OSBPL1A: variants seen among roughly 807,000 people sequenced by gnomAD.
OSBPL1A encodes the protein oxysterol binding protein like 1A.
OSBPL1A carries 80 observed loss-of-function variants against 137.1 expected under a neutral mutation model. The observed-to-expected ratio is 0.58, with a 90% CI of 0.49 to 0.70. OSBPL1A has a LOEUF of 0.70. Among genes scored for constraint, OSBPL1A ranks in the 30% least tolerant of loss-of-function variants. The pLI, the probability that OSBPL1A is intolerant of heterozygous loss-of-function variation, is 0.00. For synonymous variants in OSBPL1A, 365 were observed against 389.7 expected, an observed-to-expected ratio of 0.94 and a Z score of 0.75; for missense variants, 970 against 1,129.4, an observed-to-expected ratio of 0.86 and a Z score of 2.02.
At chr18:24,394,474 A>G (rs1907590447) in intron 1 of OSBPL1A, among the ~76,000 whole-genome samples, 1 of 152,238 alleles carries the variant, frequency 6.6e-6, no homozygotes, top group South Asian at 2.1e-4. Context: ...TCAATTTGAC[A>G]GATTCTGAAA....
At chr18:24,294,218 T>G (rs904554252) in intron 14 of OSBPL1A, among the ~76,000 whole-genome samples, 5 of 140,866 alleles carry the variant, frequency 3.5e-5, no homozygotes, top group African/African-American at 5.5e-5. Context: ...CAATATGTGG[T>G]TGTTTTTTTT....
intron 15 of OSBPL1A, among the ~76,000 whole-genome samples, chr18:24,258,925 CTTTTT>C (rs543867145): frequency 6.5e-5 from 6 of 92,728 alleles, no homozygotes; most frequent in Admixed American, 1.2e-4. Context: ...AAAATTACAT[CTTTTT>C]TTTTTTTTTT....
chr18:24,345,110 A>G (rs775515638), intron 4 of OSBPL1A, among the ~76,000 whole-genome samples: 2 of 151,828 alleles, frequency 1.3e-5, no homozygotes, highest in Non-Finnish European at 2.9e-5. Flanking sequence ...GAGCCACTGC[A>G]CCCAGCTGAG....
At chr18:24,376,560 A>C (rs1250015751) in intron 2 of OSBPL1A, among the ~76,000 whole-genome samples, 1 of 152,222 alleles carries the variant, frequency 6.6e-6, no homozygotes, top group African/African-American at 2.4e-5. Flanking sequence ...GCTGCCTGCC[A>C]GTCCTGCACC....
intron 5 of OSBPL1A, among the ~76,000 whole-genome samples, chr18:24,338,316 A>G (rs2091214600): frequency 6.6e-6 from 1 of 151,138 alleles, no homozygotes; most frequent in Non-Finnish European, 1.5e-5. Context: ...TCCTGACCTC[A>G]TGATCCACCT....
At chr18:24,313,532 A>G (rs1432634528) in intron 12 of OSBPL1A, among the ~76,000 whole-genome samples, 1 of 152,102 alleles carries the variant, frequency 6.6e-6, no homozygotes, top group Non-Finnish European at 1.5e-5. Flanking sequence ...TATCACTAGG[A>G]AGGCTGAGTC....
chr18:24,270,094 A>G (rs2089681332), intron 15 of OSBPL1A, among the ~76,000 whole-genome samples: 2 of 152,234 alleles, frequency 1.3e-5, no homozygotes, highest in South Asian at 4.1e-4. Flanking sequence ...ACTGAATAAC[A>G]ATTCTAAATT....
intron 1 of OSBPL1A, among the ~76,000 whole-genome samples, chr18:24,390,204 G>T (rs954914760): frequency 1.3e-5 from 2 of 152,034 alleles, no homozygotes; most frequent in Admixed American, 1.3e-4. Flanking sequence ...AAGTATGGGG[G>T]TTCCTCAAAA....
At chr18:24,348,523 G>A (rs1044785517) in intron 4 of OSBPL1A, among the ~76,000 whole-genome samples, 2 of 151,862 alleles carry the variant, frequency 1.3e-5, no homozygotes, top group African/African-American at 4.8e-5. Context: ...CTATAATCCC[G>A]GCACTTTGGG....
chr18:24,392,066 G>C (rs1402926107), intron 1 of OSBPL1A, among the ~76,000 whole-genome samples: 2 of 152,034 alleles, frequency 1.3e-5, no homozygotes, highest in Non-Finnish European at 2.9e-5. Flanking sequence ...GTGTTGCCCA[G>C]GCTGGTCTCA....
At chr18:24,242,504 C>T (rs1278335667) in intron 15 of OSBPL1A, among the ~76,000 whole-genome samples, 1 of 152,098 alleles carries the variant, frequency 6.6e-6, no homozygotes, top group Non-Finnish European at 1.5e-5. Context: ...CACTCCCTCT[C>T]CCATGCTCCT....
chr18:24,361,608 G>A (rs1198608185), intron 4 of OSBPL1A, among the ~76,000 whole-genome samples: 1 of 152,166 alleles, frequency 6.6e-6, no homozygotes, highest in African/African-American at 2.4e-5. Flanking sequence ...TTTGATCTAG[G>A]TGATTACAGA....
At chr18:24,328,974 G>A (rs1303205086) in intron 7 of OSBPL1A, among the ~76,000 whole-genome samples, 2 of 152,022 alleles carry the variant, frequency 1.3e-5, no homozygotes, top group African/African-American at 4.8e-5. Flanking sequence ...AATTACATAT[G>A]TGACTCCCAT....
At position 24,165,076 on chromosome 18, in the gene OSBPL1A, G is replaced by A. The variant is rs746805251; in HGVS notation, c.2739C>T (p.Asp913=). 6.2e-7 allele frequency: 1 copy of A among 1,614,124 alleles called. No individual in the cohort carries two copies. The highest frequency in any genetic ancestry group is 8.5e-7 in the Non-Finnish European group (1 of 1,180,022). The change falls in exon 27 of 28, where the codon GAC becomes GAT. Residue 913 remains aspartate (D), a synonymous_variant. Transcript: ENST00000319481. ...ACTCAGGCACGCACCTCGTCTTCCAGTCCTCTTCTGACTTGGACCTGTTTT... is the reference window on the plus strand; with the variant it reads ...ACTCAGGCACGCACCTCGTCTTCCAATCCTCTTCTGACTTGGACCTGTTTT... ...ARKNRSKSEE[D]WKTRWFHQGP...
chr18:24,282,624 A>G (rs2089982019), intron 14 of OSBPL1A, among the ~76,000 whole-genome samples: 1 of 152,222 alleles, frequency 6.6e-6, no homozygotes, highest in Non-Finnish European at 1.5e-5. Flanking sequence ...AAAAACAAGT[A>G]AAATATTATG....
chr18:24,390,297 A>G (rs568522808), intron 1 of OSBPL1A, among the ~76,000 whole-genome samples: 1 of 152,388 alleles, frequency 6.6e-6, no homozygotes, highest in South Asian at 2.1e-4. Flanking sequence ...GGAATCAAAC[A>G]GATATTTGTA....
chr18:24,196,741 C>T (rs369189834), intron 17 of OSBPL1A, among the ~76,000 whole-genome samples: 147 of 152,204 alleles, frequency 9.7e-4, no homozygotes, highest in Middle Eastern at 6.8e-3. Flanking sequence ...AGTATTTAGG[C>T]CCTGTAACAT....
At chr18:24,237,903 C>A (rs1045181829) in intron 16 of OSBPL1A, among the ~76,000 whole-genome samples, 1 of 152,156 alleles carries the variant, frequency 6.6e-6, no homozygotes, top group Non-Finnish European at 1.5e-5. Context: ...TCACTCTGTT[C>A]ACAAATCCCT....
chr18:24,218,725 C>T (rs1050563362), intron 17 of OSBPL1A, among the ~76,000 whole-genome samples: 1 of 152,014 alleles, frequency 6.6e-6, no homozygotes, highest in African/African-American at 2.4e-5. Flanking sequence ...GGATTATAGG[C>T]GTGAGCCACT....
Sources: gnomAD v4.1 joint callset for allele counts (sites outside exome capture counted in the v4.1 genomes callset) on GRCh38, gnomAD v4.1.1 for gene constraint, MANE v1.5 for transcripts, NCBI Gene and HGNC (gene_info 2026-07-23, HGNC 2026-07-21) for gene names.